CDH13: variants seen among roughly 807,000 people sequenced by gnomAD.
The protein encoded by CDH13 is cadherin 13.
CDH13 carries 24 observed loss-of-function variants against 63.8 expected under a neutral mutation model. The ratio of observed to expected loss-of-function variants is 0.38; its 90% CI spans 0.27 to 0.53. The LOEUF (loss-of-function observed/expected upper bound fraction) is 0.53. Ranked by LOEUF, CDH13 falls within the 20% of genes least tolerant of loss-of-function variation. CDH13 has a pLI of 0.85. For missense variants in CDH13, 1,049 were observed against 903.1 expected, an observed-to-expected ratio of 1.16 and a Z score of -2.07; for synonymous variants, 503 against 355.3, an observed-to-expected ratio of 1.42 and a Z score of -4.67.
intron 4 of CDH13, among the ~76,000 whole-genome samples, chr16:83,193,544 G>GT (rs1255347570): frequency 6.6e-6 from 1 of 152,174 alleles, no homozygotes; most frequent in African/African-American, 2.4e-5. Flanking sequence ...TTTCTATGCA[G>GT]TGGAAGCCTG....
chr16:82,717,034 T>C (rs1251057123), intron 1 of CDH13, among the ~76,000 whole-genome samples: 1 of 152,076 alleles, frequency 6.6e-6, no homozygotes, highest in African/African-American at 2.4e-5. Flanking sequence ...CTTGGCCAGA[T>C]GCTGCAGTTG....
intron 5 of CDH13, among the ~76,000 whole-genome samples, chr16:83,267,302 C>G (rs767501384): frequency 2.0e-5 from 3 of 152,160 alleles, no homozygotes; most frequent in Non-Finnish European, 4.4e-5. Context: ...GGTTCTCTCC[C>G]TCTTCCTGCT....
chr16:82,777,670 G>T (rs1193485255), intron 1 of CDH13, among the ~76,000 whole-genome samples: 2 of 152,188 alleles, frequency 1.3e-5, no homozygotes, highest in Admixed American at 1.3e-4. Context: ...GTGCAGCTTA[G>T]CTGGGTCTTT....
intron 2 of CDH13, among the ~76,000 whole-genome samples, chr16:82,879,310 T>G (rs2040612110): frequency 1.3e-5 from 2 of 151,930 alleles, no homozygotes; most frequent in African/African-American, 4.8e-5. Context: ...AAGGAAAATC[T>G]GAGGCTGGTA....
intron 10 of CDH13, among the ~76,000 whole-genome samples, chr16:83,720,652 G>A (rs887083664): frequency 1.2e-4 from 18 of 151,980 alleles, no homozygotes; most frequent in African/African-American, 4.1e-4. Context: ...AGACCATCTC[G>A]TTTTCACAGG....
At chr16:83,562,683 G>A (rs1351338845) in intron 7 of CDH13, among the ~76,000 whole-genome samples, 1 of 152,176 alleles carries the variant, frequency 6.6e-6, no homozygotes, top group Non-Finnish European at 1.5e-5. Flanking sequence ...CGTTTTTGAT[G>A]TCTGTTACCC....
chr16:83,758,132 A>G (rs1437821587), intron 11 of CDH13, among the ~76,000 whole-genome samples: 1 of 152,148 alleles, frequency 6.6e-6, no homozygotes, highest in Non-Finnish European at 1.5e-5. Flanking sequence ...CTACAGATCC[A>G]GATGGCTTTG....
At chr16:83,027,107 C>CT (rs1441031209) in intron 2 of CDH13, among the ~76,000 whole-genome samples, 7 of 143,322 alleles carry the variant, frequency 4.9e-5, no homozygotes, top group African/African-American at 1.8e-4. Flanking sequence ...GGGAGACCCC[C>CT]CCCCCCCACC....
At chr16:83,636,795 C>A (rs1187393842) in intron 8 of CDH13, among the ~76,000 whole-genome samples, 2 of 152,150 alleles carry the variant, frequency 1.3e-5, no homozygotes, top group Non-Finnish European at 2.9e-5. Flanking sequence ...ATTGCTGGGC[C>A]AAATGGTGCT....
intron 3 of CDH13, among the ~76,000 whole-genome samples, chr16:83,036,104 C>T (rs4473177): frequency 0.25 from 37,910 of 149,810 alleles, 5,002 homozygotes; most frequent in Non-Finnish European, 0.29. Context: ...AAGAGGGCCT[C>T]AGACCTTAGC....
chr16:83,420,612 A>G (rs1002900329), intron 6 of CDH13, among the ~76,000 whole-genome samples: 1 of 152,218 alleles, frequency 6.6e-6, no homozygotes, highest in East Asian at 1.9e-4. Context: ...CTGCAGAGGG[A>G]CAGAGCTAAT....
intron 7 of CDH13, among the ~76,000 whole-genome samples, chr16:83,496,690 A>G (rs550885191): frequency 2.6e-5 from 4 of 152,376 alleles, no homozygotes; most frequent in Admixed American, 2.0e-4. Context: ...GAGCTTCTGC[A>G]CAGCAAAAGA....
At chr16:82,737,204 C>T (rs1417439756) in intron 1 of CDH13, among the ~76,000 whole-genome samples, 1 of 152,216 alleles carries the variant, frequency 6.6e-6, no homozygotes, top group Non-Finnish European at 1.5e-5. Flanking sequence ...TATCAGGAGT[C>T]AAACTCATTC....
At chr16:82,711,867 G>C (rs973502920) in intron 1 of CDH13, among the ~76,000 whole-genome samples, 1 of 152,176 alleles carries the variant, frequency 6.6e-6, no homozygotes, top group African/African-American at 2.4e-5. Flanking sequence ...CTCTGAGTTA[G>C]GTGCTCATAT....
chr16:83,063,711 C>G (rs78536630), intron 3 of CDH13, among the ~76,000 whole-genome samples: 1,568 of 152,270 alleles, frequency 0.01, 34 homozygotes, highest in African/African-American at 0.034. Flanking sequence ...CAAATTTATT[C>G]TGTTTTAGTT....
At chr16:82,905,190 G>T (rs2041601047) in intron 2 of CDH13, among the ~76,000 whole-genome samples, 1 of 152,208 alleles carries the variant, frequency 6.6e-6, no homozygotes, top group East Asian at 1.9e-4. Context: ...ACGGGAGAAA[G>T]AGCTTGAGAA....
chr16:83,079,768 T>A (rs974690007), intron 3 of CDH13, among the ~76,000 whole-genome samples: 1 of 152,230 alleles, frequency 6.6e-6, no homozygotes, highest in East Asian at 1.9e-4. Flanking sequence ...GTCAAGTTGT[T>A]TTTGAGAACA....
chr16:83,072,965 C>A (rs1597275030), intron 3 of CDH13, among the ~76,000 whole-genome samples: 1 of 152,132 alleles, frequency 6.6e-6, no homozygotes, highest in African/African-American at 2.4e-5. Flanking sequence ...ATGATGTGGC[C>A]TTTCAGAGAG....
In CDH13 at chr16:83,036,118, A is replaced by G. The variant is rs13330292; in HGVS notation, c.366+3900A>G. Reference sequence around the variant, plus strand: ...GAAGAGGGCCTCAGACCTTAGCAGCATGGCTCTGGCTCTGGAGCTCTCCTC... The same window carrying G: ...GAAGAGGGCCTCAGACCTTAGCAGCGTGGCTCTGGCTCTGGAGCTCTCCTC... On this transcript the variant is annotated intron_variant, in intron 3 of 13. Coordinates refer to ENST00000567109, the MANE Select transcript of CDH13 (RefSeq NM_001257.5). 1.1e-3 allele frequency among the ~76,000 whole-genome samples: 168 copies of G among 147,026 alleles called. 1 individual carries two copies. The highest frequency in any genetic ancestry group is 4.0e-3 in the African/African-American group (161 of 39,834).
Sources: gnomAD v4.1 joint callset for allele counts (sites outside exome capture counted in the v4.1 genomes callset) on GRCh38, gnomAD v4.1.1 for gene constraint, MANE v1.5 for transcripts, NCBI Gene and HGNC (gene_info 2026-07-23, HGNC 2026-07-21) for gene names.